SLC44A2: variants seen among roughly 807,000 people sequenced by gnomAD.
The protein encoded by SLC44A2 is choline transporter-like protein 2.
Under a neutral mutation model 90.8 loss-of-function variants are expected in SLC44A2, and 57 were observed. The observed-to-expected ratio is 0.63, with a 90% CI of 0.51 to 0.78. The LOEUF (loss-of-function observed/expected upper bound fraction) is 0.78. Among genes scored for constraint, SLC44A2 ranks in the 30% least tolerant of loss-of-function variants. The pLI, the probability that SLC44A2 is intolerant of heterozygous loss-of-function variation, is 0.00. For missense variants in SLC44A2, 794 were observed against 919.7 expected (o/e 0.86, Z 1.77); for synonymous variants, 355 against 360.7 (o/e 0.98, Z 0.18).
intron 1 of SLC44A2, among the ~76,000 whole-genome samples, chr19:10,612,787 C>T (rs1436353635): frequency 6.6e-6 from 1 of 152,248 alleles, no homozygotes; most frequent in South Asian, 2.1e-4. Flanking sequence ...GGCTGGCACC[C>T]GAAGGCTGCC....
chr19:10,610,417 C>T (rs1276512976), intron 1 of SLC44A2, among the ~76,000 whole-genome samples: 44 of 142,454 alleles, frequency 3.1e-4, no homozygotes, highest in African/African-American at 1.1e-3. Flanking sequence ...CTGCAAGCTC[C>T]GCCTCCCGGG....
chr19:10,629,747 A>G (rs1000115013), intron 4 of SLC44A2, among the ~76,000 whole-genome samples: 18 of 150,744 alleles, frequency 1.2e-4, no homozygotes, highest in African/African-American at 4.2e-4. Flanking sequence ...GCCTGGCCCT[A>G]TATAAGATAT....
intron 4 of SLC44A2, among the ~76,000 whole-genome samples, chr19:10,630,528 G>C (rs976943884): frequency 6.6e-5 from 10 of 151,574 alleles, no homozygotes; most frequent in African/African-American, 2.4e-4. Context: ...ATCGTGGCGG[G>C]CACCTACCTG....
chr19:10,635,555 G>T lies in SLC44A2; in HGVS notation c.1233+40G>T, dbSNP rs140532865. The T allele has an allele frequency of 6.8e-4, 1,057 of 1,549,756 alleles. 8 individuals are homozygous for T. In the African/African-American group the frequency reaches 0.013, roughly 19 times the overall value. On this transcript the variant is annotated intron_variant, in intron 14 of 21. Coordinates refer to ENST00000335757, the MANE Select transcript of SLC44A2 (RefSeq NM_020428.4). ...GGTGGGGAGGGCAGGTATTGCCCCAGCAGGCCCCAGATGATTTGAAACCTC... is the reference window on the plus strand; with the variant it reads ...GGTGGGGAGGGCAGGTATTGCCCCATCAGGCCCCAGATGATTTGAAACCTC...
Position 10,625,661 on chromosome 19 carries a change from G to A in SLC44A2, c.28G>A (p.Gly10Arg). 8.0e-7 allele frequency: 1 copy of A among 1,250,428 alleles called. No individual in the cohort carries two copies. The highest frequency in any genetic ancestry group is 1.0e-6 in the Non-Finnish European group (1 of 991,528). The allele number at this position is 1,250,428 out of a possible 1,614,324, so 77.5% of individuals were successfully genotyped here. MGDERPHYY[G>R]KHGTPQKYDP... Reference sequence around the variant, plus strand: ...GGGGGACGAGCGGCCCCACTACTACGGGAAACACGGTAGGCAGCGACCCCC... The same window carrying A: ...GGGGGACGAGCGGCCCCACTACTACAGGAAACACGGTAGGCAGCGACCCCC... Residue 10 changes from glycine to arginine, a missense_variant, in exon 1 of 22, where the codon GGG becomes AGG. Gly to Arg is a moderately radical substitution (Grantham distance 125, BLOSUM62 -2). Around this residue, in one of 3 missense-constraint regions of SLC44A2, gnomAD observed 738 missense variants for 841.1 expected, o/e 0.88. Transcript: ENST00000335757.
At chr19:10,610,821 G>A (rs544210595) in intron 1 of SLC44A2, among the ~76,000 whole-genome samples, 1 of 147,374 alleles carries the variant, frequency 6.8e-6, no homozygotes, top group Non-Finnish European at 1.5e-5. Flanking sequence ...TGTATTTTTA[G>A]TAGAGACGGG....
At chr19:10,634,478 A>AG (rs1237700774) in intron 10 of SLC44A2, among the ~76,000 whole-genome samples, 2 of 151,682 alleles carry the variant, frequency 1.3e-5, no homozygotes, top group Non-Finnish European at 2.9e-5. Context: ...AAAAAAAAAA[A>AG]AGAGAGAGAA....
At chr19:10,607,068 C>A in intron 1 of SLC44A2, among the ~76,000 whole-genome samples, 1 of 151,174 alleles carries the variant, frequency 6.6e-6, no homozygotes, top group East Asian at 2.0e-4. Flanking sequence ...CCCGCCACCA[C>A]GCCTGGCTAA....
chr19:10,636,792 G>A, intron 16 of SLC44A2, 36 bp downstream of exon 16: 1 of 1,589,182 alleles, frequency 6.3e-7, no homozygotes, highest in Non-Finnish European at 8.6e-7. Flanking sequence ...AGCTCCTGTT[G>A]CGGGGCGAGG....
intron 1 of SLC44A2, among the ~76,000 whole-genome samples, chr19:10,604,213 G>A (rs540069152): frequency 6.6e-6 from 1 of 152,194 alleles, no homozygotes; most frequent in Non-Finnish European, 1.5e-5. Flanking sequence ...AGAACAAGAC[G>A]TCGTGTGATC....
At chr19:10,606,397 C>T (rs896691496) in intron 1 of SLC44A2, among the ~76,000 whole-genome samples, 4 of 151,952 alleles carry the variant, frequency 2.6e-5, no homozygotes, top group Admixed American at 6.6e-5. Flanking sequence ...TACATGTGGC[C>T]GGGTGTGGTG....
chr19:10,617,282 G>A (rs991919706), intron 1 of SLC44A2, among the ~76,000 whole-genome samples: 1 of 152,114 alleles, frequency 6.6e-6, no homozygotes, highest in African/African-American at 2.4e-5. Context: ...ATCCTGCGGG[G>A]TTTAGATTAG....
intron 20 of SLC44A2, among the ~76,000 whole-genome samples, chr19:10,639,306 TAG>T (rs1456137431): frequency 1.3e-5 from 2 of 152,164 alleles, no homozygotes; most frequent in East Asian, 3.8e-4. Context: ...CTAAAGGCCT[TAG>T]AGTTTGGGGG....
chr19:10,642,669 C>T (rs898424260), intron 21 of SLC44A2, among the ~76,000 whole-genome samples: 5 of 152,126 alleles, frequency 3.3e-5, no homozygotes, highest in East Asian at 1.9e-4. Context: ...GCAGCCTGGA[C>T]GCTGCCCTGG....
chr19:10,626,580 ATT>A (rs34527261), intron 2 of SLC44A2, among the ~76,000 whole-genome samples: 59 of 138,358 alleles, frequency 4.3e-4, no homozygotes, highest in African/African-American at 1.4e-3. Flanking sequence ...CACCTGGCTA[ATT>A]TTTTTTTTTT....
At chr19:10,625,697 C>A in intron 1 of SLC44A2, 27 bp downstream of exon 1, 1 of 1,246,656 alleles carries the variant, frequency 8.0e-7, no homozygotes. Context: ...GCCCGTAGCC[C>A]CGGGCCGACC....
At chr19:10,603,394 C>G (rs1345672418) in intron 1 of SLC44A2, among the ~76,000 whole-genome samples, 3 of 152,188 alleles carry the variant, frequency 2.0e-5, no homozygotes. Flanking sequence ...AGCCCCAGCC[C>G]CACGTGATAC....
chr19:10,634,568 G>A (rs1235764860), intron 10 of SLC44A2, among the ~76,000 whole-genome samples, 188 bp from the exon 11 acceptor site: 1 of 151,972 alleles, frequency 6.6e-6, no homozygotes, highest in African/African-American at 2.4e-5. Flanking sequence ...GGTGACACTT[G>A]AGCAGAGACC....
chr19:10,636,037 A>T (rs1011116533), intron 14 of SLC44A2: 4 of 404,906 alleles, frequency 9.9e-6, no homozygotes, highest in African/African-American at 8.3e-5. Context: ...TCTGCCTCCC[A>T]AAGTGCTGGG....
Sources: gnomAD v4.1 joint callset for allele counts (sites outside exome capture counted in the v4.1 genomes callset) on GRCh38, gnomAD v4.1.1 for gene constraint, gnomAD v4.1.1 regional missense constraint, MANE v1.5 for transcripts, NCBI Gene and HGNC (gene_info 2026-07-23, HGNC 2026-07-21) for gene names.